Variants in ZNF385B observed in about 807,000 individuals in gnomAD.
ZNF385B encodes zinc finger protein 533.
A neutral mutation model predicts 39.2 loss-of-function variants in ZNF385B; 23 were observed. The observed-to-expected ratio is 0.59, with a 90% CI of 0.42 to 0.83. The LOEUF (loss-of-function observed/expected upper bound fraction) is 0.83. Among genes scored for constraint, ZNF385B ranks in the 40% least tolerant of loss-of-function variants. The pLI, the probability that ZNF385B is intolerant of heterozygous loss-of-function variation, is 0.00. For missense variants in ZNF385B, 552 were observed against 598.9 expected, an observed-to-expected ratio of 0.92 and a Z score of 0.82; for synonymous variants, 205 against 222.6, an observed-to-expected ratio of 0.92 and a Z score of 0.70.
At chr2:179,789,681 T>C (rs980453590) in intron 1 of ZNF385B, among the ~76,000 whole-genome samples, 2 of 152,178 alleles carry the variant, frequency 1.3e-5, no homozygotes, top group Non-Finnish European at 2.9e-5. Flanking sequence ...GAAAGCACAT[T>C]GAAGCATCTG....
intron 1 of ZNF385B, among the ~76,000 whole-genome samples, chr2:179,826,605 T>C (rs1707696521): frequency 1.3e-5 from 2 of 152,142 alleles, no homozygotes; most frequent in Non-Finnish European, 2.9e-5. Flanking sequence ...CAGCAAGATA[T>C]TTCTCCACAA....
At chr2:179,781,624 G>C (rs1704669725) in intron 1 of ZNF385B, among the ~76,000 whole-genome samples, 1 of 152,030 alleles carries the variant, frequency 6.6e-6, no homozygotes, top group South Asian at 2.1e-4. Context: ...AAAAAATTGG[G>C]ATACACTAAA....
At chr2:179,733,914 A>G (rs1249015996) in intron 3 of ZNF385B, among the ~76,000 whole-genome samples, 1 of 152,068 alleles carries the variant, frequency 6.6e-6, no homozygotes, top group African/African-American at 2.4e-5. Context: ...AAATAAATTC[A>G]TTCTTTTCTT....
intron 3 of ZNF385B, among the ~76,000 whole-genome samples, chr2:179,736,895 G>C (rs988101935): frequency 2.0e-5 from 3 of 152,186 alleles, no homozygotes; most frequent in Non-Finnish European, 4.4e-5. Context: ...ACTTGAACTC[G>C]AGAGGCGGAA....
At chr2:179,755,049 G>T (rs561737584) in intron 3 of ZNF385B, among the ~76,000 whole-genome samples, 3 of 152,288 alleles carry the variant, frequency 2.0e-5, no homozygotes, top group Admixed American at 2.0e-4. Context: ...GATGTTTCCT[G>T]CTTTCTCTTG....
intron 1 of ZNF385B, among the ~76,000 whole-genome samples, chr2:179,802,203 C>T (rs1207205259): frequency 6.6e-6 from 1 of 152,096 alleles, no homozygotes; most frequent in Non-Finnish European, 1.5e-5. Flanking sequence ...CAAATATGTA[C>T]TGCTTATTCC....
intron 3 of ZNF385B, among the ~76,000 whole-genome samples, chr2:179,703,101 A>C (rs566064935): frequency 6.6e-6 from 1 of 152,368 alleles, no homozygotes; most frequent in African/African-American, 2.4e-5. Flanking sequence ...TCTTCTTTTT[A>C]GCCAGGGCAA....
At chr2:179,530,709 T>C (rs945575119) in intron 4 of ZNF385B, among the ~76,000 whole-genome samples, 1 of 152,230 alleles carries the variant, frequency 6.6e-6, no homozygotes, top group African/African-American at 2.4e-5. Context: ...TGTTCGAATA[T>C]ATTTCTTCAT....
chr2:179,525,430 G>A (rs2058826835), intron 4 of ZNF385B, among the ~76,000 whole-genome samples: 1 of 152,036 alleles, frequency 6.6e-6, no homozygotes, highest in East Asian at 1.9e-4. Context: ...CATTATAACT[G>A]TTGGGTTTGC....
intron 6 of ZNF385B, among the ~76,000 whole-genome samples, chr2:179,472,069 A>G (rs908022570): frequency 6.6e-6 from 1 of 152,192 alleles, no homozygotes; most frequent in Non-Finnish European, 1.5e-5. Context: ...TTGGTATAGA[A>G]TCCGGGAAGA....
chr2:179,634,993 A>AAT (rs1166340577), intron 3 of ZNF385B, among the ~76,000 whole-genome samples: 7,643 of 140,280 alleles, frequency 0.054, 308 homozygotes, highest in African/African-American at 0.08. Context: ...AAAAAAAAAA[A>AAT]TAGCCAGGCG....
intron 1 of ZNF385B, among the ~76,000 whole-genome samples, chr2:179,797,692 T>C (rs1357795389): frequency 1.3e-5 from 2 of 152,206 alleles, no homozygotes; most frequent in Admixed American, 6.6e-5. Context: ...TATATTTTAA[T>C]GCATTCATTC....
chr2:179,631,383 A>G (rs781125612), intron 3 of ZNF385B, among the ~76,000 whole-genome samples: 1 of 152,244 alleles, frequency 6.6e-6, no homozygotes, highest in Non-Finnish European at 1.5e-5. Flanking sequence ...ATTAGAGAAA[A>G]GAATTTTCAA....
In ZNF385B at chr2:179,570,108, T is replaced by A. The variant is rs898503120; in HGVS notation, c.299-25139A>T. On this transcript the variant is annotated intron_variant, in intron 3 of 9. Transcript: ENST00000410066. Reference sequence around the variant, plus strand: ...CAACACAGATGTCAGCCAGAAAACTTTACTGGGGCATGTAGGGGATCAGAA... The same window carrying A: ...CAACACAGATGTCAGCCAGAAAACTATACTGGGGCATGTAGGGGATCAGAA... 9.2e-5 allele frequency among the ~76,000 whole-genome samples: 14 copies of A among 152,242 alleles called. No individual in the cohort carries two copies. The South Asian group carries it at 2.7e-3, about 29-fold the overall frequency.
chr2:179,479,012 A>G (rs376736109), intron 6 of ZNF385B, among the ~76,000 whole-genome samples: 9 of 152,016 alleles, frequency 5.9e-5, no homozygotes, highest in African/African-American at 2.2e-4. Flanking sequence ...CTGTGTTTTG[A>G]CCCCAATTCT....
intron 3 of ZNF385B, among the ~76,000 whole-genome samples, chr2:179,725,507 C>T (rs552133095): frequency 1.5e-4 from 22 of 151,636 alleles, no homozygotes; most frequent in Non-Finnish European, 1.6e-4. Flanking sequence ...ATTATATATA[C>T]ATGAAGGTAA....
intron 3 of ZNF385B, among the ~76,000 whole-genome samples, chr2:179,631,432 T>C (rs1691203497): frequency 1.3e-5 from 2 of 152,072 alleles, no homozygotes; most frequent in Admixed American, 6.6e-5. Context: ...GCTTCATAAG[T>C]GAAGGAAAAA....
chr2:179,459,024 A>G (rs1156969244), intron 6 of ZNF385B, among the ~76,000 whole-genome samples: 1 of 152,208 alleles, frequency 6.6e-6, no homozygotes, highest in Non-Finnish European at 1.5e-5. Context: ...TTCCTCCCCT[A>G]TAGTTGCAAG....
At chr2:179,708,912 A>C (rs958036345) in intron 3 of ZNF385B, among the ~76,000 whole-genome samples, 5 of 152,332 alleles carry the variant, frequency 3.3e-5, no homozygotes, top group African/African-American at 1.2e-4. Flanking sequence ...TGGGACATGG[A>C]GAACAATAGT....
Sources: gnomAD v4.1 joint callset for allele counts (sites outside exome capture counted in the v4.1 genomes callset) on GRCh38, gnomAD v4.1.1 for gene constraint, MANE v1.5 for transcripts, NCBI Gene and HGNC (gene_info 2026-07-23, HGNC 2026-07-21) for gene names.